The following PM20D1 variants were observed in gnomAD, a reference collection of about 807,000 sequenced individuals.
PM20D1 encodes the protein N-fatty-acyl-amino acid synthase/hydrolase PM20D1.
In PM20D1, 53 loss-of-function variants were observed where a neutral mutation model predicts 53.8. That is an observed-to-expected ratio of 0.98 (90% CI 0.79 to 1.24). The LOEUF (loss-of-function observed/expected upper bound fraction) is 1.24, where lower values mean the gene tolerates loss of function less well. PM20D1 is among the 50% of genes most tolerant of loss of function. The probability of loss-of-function intolerance (pLI) is 0.00; values close to 1 mark genes in which losing one functional copy is unlikely to be tolerated. For missense variants in PM20D1, 564 were observed against 616.8 expected (o/e 0.91, Z 0.91); for synonymous variants, 239 against 241.3 (o/e 0.99, Z 0.09).
intron 6 of PM20D1, 78 bp from the exon 7 acceptor site, chr1:205,842,829 A>C (rs1175982447): frequency 7.3e-7 from 1 of 1,374,642 alleles, no homozygotes; most frequent in Non-Finnish European, 1.0e-6. Flanking sequence ...AAGAAGGGAG[A>C]TAGGAGGAAG....
chr1:205,829,648 C>G (rs966336024), intron 12 of PM20D1, among the ~76,000 whole-genome samples: 3 of 152,170 alleles, frequency 2.0e-5, no homozygotes, highest in Admixed American at 6.5e-5. Context: ...GAAAGCTGTT[C>G]TTAAGCTCCT....
intron 9 of PM20D1, 25 bp downstream of exon 9, chr1:205,841,786 T>C (rs767116493): frequency 2.6e-6 from 4 of 1,547,256 alleles, no homozygotes; most frequent in African/African-American, 1.4e-5. Flanking sequence ...GGAAAAGCTA[T>C]ATGGGGAGGA....
Position 205,828,634 on chromosome 1 carries a change from G to A in PM20D1, c.1495C>T (p.Leu499=). ...GCCCCTTGACCTCACAGTTTGTGCA[G>A]GTGAGAAACTGGCTCCTGGTCTGTG... ...ADTDQEPVSH[L]HKL Residue 499 remains leucine (L), a synonymous_variant, in exon 13 of 13, where the codon CTG becomes TTG. Transcript: ENST00000367136. 6.2e-7 allele frequency: 1 copy of A among 1,614,184 alleles called. No individual in the cohort carries two copies. The highest frequency in any genetic ancestry group is 8.5e-7 in the Non-Finnish European group (1 of 1,180,026).
intron 1 of PM20D1, among the ~76,000 whole-genome samples, chr1:205,848,412 G>T (rs1657051511): frequency 6.6e-6 from 1 of 152,182 alleles, no homozygotes; most frequent in Non-Finnish European, 1.5e-5. Context: ...CATCAATGAG[G>T]CTTGTGTGTT....
intron 1 of PM20D1, among the ~76,000 whole-genome samples, chr1:205,848,790 A>G (rs781256428): frequency 2.0e-5 from 3 of 152,214 alleles, no homozygotes; most frequent in Admixed American, 2.0e-4. Flanking sequence ...TTTGCTAAGG[A>G]TCAACCCTAC....
intron 1 of PM20D1, among the ~76,000 whole-genome samples, chr1:205,848,958 T>G (rs534451537): frequency 3.0e-4 from 46 of 152,344 alleles, no homozygotes; most frequent in Admixed American, 1.4e-3. Flanking sequence ...CTTATGTAGC[T>G]TTTGTTCTCT....
rs1362347839 is a variant in PM20D1 at position 205,828,561 on chromosome 1, C to A, written c.*59G>T. 1.9e-6 allele frequency: 3 copies of A among 1,598,330 alleles called. No individual in the cohort carries two copies. In the Admixed American group the frequency reaches 5.2e-5, roughly 28 times the overall value. ...AAAAGTTTCATCAACACTAGCTTTC[C>A]CCCTTGGGTTAGTCCTGTCCCGGGG... is the stretch of plus-strand genomic sequence containing the variant. On this transcript the variant is annotated 3_prime_UTR_variant, in exon 13 of 13. Coordinates refer to ENST00000367136, the MANE Select transcript of PM20D1 (RefSeq NM_152491.5).
intron 6 of PM20D1, 65 bp from the exon 7 acceptor site, chr1:205,842,816 GAGA>G (rs1336174955): frequency 6.9e-6 from 10 of 1,444,406 alleles, no homozygotes; most frequent in South Asian, 2.3e-5. Context: ...GCTTGAAGAG[GAGA>G]AGAAGGGAGA....
chr1:205,842,136 G>A lies in PM20D1; in HGVS notation c.965+18C>T. The A allele has an allele frequency of 6.2e-7, 1 of 1,603,284 alleles. No individual in the cohort carries two copies. Among genetic ancestry groups the A allele is most frequent in the Non-Finnish European group, 8.5e-7 (1 of 1,170,238 alleles). The stretch of plus-strand genomic sequence containing the variant: ...GTTTGAGGTGAGGGATGTGAAAAAA[G>A]GAAAGATAATACTTTACCTGCTTAT... On this transcript the variant is annotated intron_variant, in intron 8 of 12. Transcript: ENST00000367136.
At chr1:205,838,867 C>A (rs887955785) in intron 10 of PM20D1, among the ~76,000 whole-genome samples, 5 of 152,178 alleles carry the variant, frequency 3.3e-5, no homozygotes, top group African/African-American at 1.2e-4. Context: ...ATATACATAC[C>A]ACATCCTATT....
chr1:205,850,110 G>T lies in PM20D1; in HGVS notation c.-38C>A. On this transcript the variant is annotated 5_prime_UTR_variant, in exon 1 of 13. Transcript: ENST00000367136. ...CTCCTGCTGTCAGGCTACCGGGGTA[G>T]TTCTGACCTAAACGCCCAGACTAGC... The T allele has an allele frequency of 6.3e-7, 1 of 1,591,698 alleles. No homozygotes were observed. Among genetic ancestry groups the T allele is most frequent in the South Asian group, 1.1e-5 (1 of 89,002 alleles).
rs1175476591 is a variant in PM20D1, at chr1:205,843,647, C to A, written c.827+20G>T. ...TTCCATCTCAAGTCTGGCATGGGAACAGGGCCAGGAGTTGCTTACCGGCTG... is the reference window on the plus strand; with the variant it reads ...TTCCATCTCAAGTCTGGCATGGGAAAAGGGCCAGGAGTTGCTTACCGGCTG... On this transcript the variant is annotated intron_variant, in intron 6 of 12. Coordinates refer to ENST00000367136, the MANE Select transcript of PM20D1 (RefSeq NM_152491.5). 2 of 1,608,254 alleles carry A rather than the reference C, an allele frequency of 1.2e-6. No homozygotes were observed. The highest frequency in any genetic ancestry group is 1.7e-5 in the Admixed American group (1 of 58,932).
intron 10 of PM20D1, among the ~76,000 whole-genome samples, chr1:205,835,025 G>A (rs1427988274): frequency 1.3e-5 from 2 of 152,136 alleles, no homozygotes; most frequent in Non-Finnish European, 2.9e-5. Flanking sequence ...ACTTGCCATG[G>A]GTTATACAGT....
Position 205,841,890 on chromosome 1 carries a change from C to A in PM20D1, c.966-1G>T. ...GGTTAAGGGATTTCTCTCCATAAAC[C>A]TAAAACAAAAGGACCAAGGTCAGAT... On this transcript the variant is annotated splice_acceptor_variant, in intron 8 of 12. Transcript: ENST00000367136. LOFTEE classifies it high-confidence loss of function. 6.4e-7 allele frequency: 1 copy of A among 1,558,080 alleles called. No individual in the cohort carries two copies. Among genetic ancestry groups the A allele is most frequent in the Non-Finnish European group, 8.7e-7 (1 of 1,149,486 alleles).
In PM20D1 at chr1:205,844,143, G is replaced by A. The variant is rs142894631; in HGVS notation, c.651C>T (p.Asp217=). ...AATCATCCAAGATGAAGCCCCCCTC[G>A]TCCACAATGAAGGCTAGCTGGACGC... is the stretch of plus-strand genomic sequence containing the variant. ...SRGVQLAFIV[D]EGGFILDDFI... The change falls in exon 5 of 13, where the codon GAC becomes GAT. Residue 217 remains aspartate (D), a synonymous_variant. Coordinates refer to ENST00000367136, the MANE Select transcript of PM20D1 (RefSeq NM_152491.5). 2.8e-5 allele frequency: 45 copies of A among 1,613,850 alleles called. No individual in the cohort carries two copies. The highest frequency in any genetic ancestry group is 1.3e-4 in the Admixed American group (8 of 59,988).
chr1:205,830,502 C>G, intron 11 of PM20D1, 123 bp from the exon 12 acceptor site: 1 of 673,604 alleles, frequency 1.5e-6, no homozygotes. Context: ...TGCCTGGGCT[C>G]TCCTGAAAGC....
At chr1:205,838,845 C>T (rs781057448) in intron 10 of PM20D1, among the ~76,000 whole-genome samples, 1 of 152,208 alleles carries the variant, frequency 6.6e-6, no homozygotes, top group African/African-American at 2.4e-5. Flanking sequence ...GCTTTTCTCT[C>T]GCTCCATACC....
rs969510054 is a variant in PM20D1 at position 205,843,896 on chromosome 1, A to G, written c.708-110T>C. 2.0e-6 allele frequency: 3 copies of G among 1,497,284 alleles called. No homozygotes were observed. In the East Asian group the frequency reaches 6.8e-5, roughly 34 times the overall value. 92.7% of individuals were successfully genotyped at this position (1,497,284 alleles called of 1,614,324 possible). On this transcript the variant is annotated intron_variant, in intron 5 of 12. Transcript: ENST00000367136. ...GTCTAGTGGGCAAGGAGGTAGCTTC[A>G]TGCTGCTTTAAAAATTTTATACTGG...
In PM20D1 at chr1:205,841,746, T is replaced by C. The variant is rs928643342; in HGVS notation, c.1044+65A>G. 16 of 1,434,194 alleles carry C rather than the reference T, an allele frequency of 1.1e-5. No individual in the cohort carries two copies. The East Asian group carries it at 3.7e-4, about 33-fold the overall frequency. 88.8% of individuals were successfully genotyped at this position (1,434,194 alleles called of 1,614,324 possible). A position where few individuals can be genotyped will look rare whatever the true frequency, so the allele number is the denominator to read the frequency against. ...AAGGAAGGAAGAGCCAGTAGATAGA[T>C]TCAAGGAAGGGAGGAGTGGAGGGCG... On this transcript the variant is annotated intron_variant, in intron 9 of 12. Transcript: ENST00000367136.
Sources: allele counts gnomAD v4.1 joint callset (sites outside exome capture counted in the v4.1 genomes callset), GRCh38; gene constraint gnomAD v4.1.1; transcripts MANE v1.5; gene names NCBI Gene and HGNC (gene_info 2026-07-23, HGNC 2026-07-21).